Variants in TP63 observed in about 807,000 individuals in gnomAD.
TP63 encodes the protein tumor protein p63.
In TP63, 17 loss-of-function variants were observed where a neutral mutation model predicts 82.8. The observed-to-expected ratio is 0.21, with a 90% confidence interval of 0.14 to 0.31. The LOEUF (loss-of-function observed/expected upper bound fraction) is 0.31, where lower values mean the gene tolerates loss of function less well. Ranked by LOEUF, TP63 falls within the 10% of genes least tolerant of loss-of-function variation. TP63 has a pLI of 1.00. For synonymous variants in TP63, 330 were observed against 321.7 expected (o/e 1.03, Z -0.28); for missense variants, 648 against 895.3 (o/e 0.72, Z 3.52).
chr3:189,737,818 T>C lies in TP63; in HGVS notation c.141T>C (p.Asn47=), dbSNP rs768304711. The C allele has an allele frequency of 3.1e-6, 5 of 1,613,848 alleles. No individual in the cohort carries two copies. In the East Asian group the frequency reaches 8.9e-5, roughly 29 times the overall value. Reference sequence around the variant, plus strand: ...CCATGTCCCAGAGCACACAGACAAATGAATTCCTCAGTCCAGAGGTTTTCC... The same window carrying C: ...CCATGTCCCAGAGCACACAGACAAACGAATTCCTCAGTCCAGAGGTTTTCC... The part of the protein sequence containing the change: ...RSTMSQSTQT[N]EFLSPEVFQH... Residue 47 remains asparagine (N), a synonymous_variant, in exon 2 of 14, where the codon AAT becomes AAC. Transcript: ENST00000264731.
At chr3:189,617,186 A>G in the TP63 span, among the ~76,000 whole-genome samples, 6 of 152,218 alleles carry the variant, frequency 3.9e-5, no homozygotes, top group African/African-American at 1.4e-4. Flanking sequence ...TATACTAGCC[A>G]TCTATTGTTT....
At chr3:189,694,888 C>T (rs1185034867) in intron 1 of TP63, among the ~76,000 whole-genome samples, 8 of 136,784 alleles carry the variant, frequency 5.8e-5, no homozygotes, top group Non-Finnish European at 1.2e-4. Context: ...TCACTGCAAC[C>T]TCCAACTCCT....
intron 1 of TP63, among the ~76,000 whole-genome samples, chr3:189,700,394 T>G (rs1174937961): frequency 6.6e-6 from 1 of 152,220 alleles, no homozygotes; most frequent in Non-Finnish European, 1.5e-5. Flanking sequence ...GTTTGCTGTT[T>G]CCATGTACTC....
chr3:189,651,545 C>CAAAAA (rs71173298), intron 1 of TP63, among the ~76,000 whole-genome samples: 3 of 118,450 alleles, frequency 2.5e-5, no homozygotes, highest in African/African-American at 7.4e-5. Context: ...GATTCCATAT[C>CAAAAA]AAAAAAAAAA....
intron 3 of TP63, among the ~76,000 whole-genome samples, chr3:189,791,265 C>G (rs1354751783): frequency 6.6e-6 from 1 of 152,078 alleles, no homozygotes; most frequent in East Asian, 1.9e-4. Context: ...CGCCTAGGAT[C>G]TTGTAAGTCA....
At chr3:189,870,472 A>G (rs921949697) in intron 9 of TP63, among the ~76,000 whole-genome samples, 8 of 152,158 alleles carry the variant, frequency 5.3e-5, no homozygotes, top group Non-Finnish European at 4.4e-5. Context: ...TTACGTGCAA[A>G]TACTACACCA....
At chr3:189,765,438 T>TTTTTTTTTTTTTTTTG (rs1722881616) in intron 3 of TP63, among the ~76,000 whole-genome samples, 1 of 85,598 alleles carries the variant, frequency 1.2e-5, no homozygotes, top group African/African-American at 4.2e-5. Flanking sequence ...CTCTGCTTTT[T>TTTTTTTTTTTTTTTTG]TTTTTTTTTT....
chr3:189,709,129 T>G (rs894712073), intron 1 of TP63, among the ~76,000 whole-genome samples: 4 of 152,226 alleles, frequency 2.6e-5, no homozygotes, highest in Non-Finnish European at 5.9e-5. Context: ...ATCATGAAAA[T>G]GTACACTGCA....
At chr3:189,844,967 C>T (rs1201950089) in intron 4 of TP63, among the ~76,000 whole-genome samples, 2 of 152,162 alleles carry the variant, frequency 1.3e-5, no homozygotes, top group Non-Finnish European at 2.9e-5. Context: ...TATGATTTTT[C>T]ATTCCCAGCA....
intron 1 of TP63, among the ~76,000 whole-genome samples, chr3:189,696,786 T>C (rs1717412262): frequency 6.6e-6 from 1 of 152,168 alleles, no homozygotes; most frequent in Admixed American, 6.6e-5. Flanking sequence ...TATTTTCCTA[T>C]GACAAATTAT....
chr3:189,873,074 G>A, intron 10 of TP63, 79 bp downstream of exon 10: 4 of 1,602,128 alleles, frequency 2.5e-6, no homozygotes, highest in Middle Eastern at 1.7e-4. Flanking sequence ...TGATTGATGA[G>A]CAATGTGGAA....
intron 4 of TP63, among the ~76,000 whole-genome samples, chr3:189,811,383 C>T (rs148741344): frequency 3.9e-3 from 595 of 152,272 alleles, no homozygotes; most frequent in African/African-American, 0.014. Context: ...TGCATTCTAC[C>T]TATAAATTTT....
chr3:189,701,543 ATATG>A (rs1338236401), intron 1 of TP63, among the ~76,000 whole-genome samples: 8 of 138,040 alleles, frequency 5.8e-5, no homozygotes, highest in Non-Finnish European at 1.1e-4. Context: ...ATATATATAT[ATATG>A]TAATTTTATA....
At chr3:189,700,677 G>A (rs1717736606) in intron 1 of TP63, among the ~76,000 whole-genome samples, 1 of 152,126 alleles carries the variant, frequency 6.6e-6, no homozygotes, top group East Asian at 1.9e-4. Flanking sequence ...GATGTGGGCG[G>A]GGTAAACTTT....
At chr3:189,702,849 A>G (rs1717913309) in intron 1 of TP63, among the ~76,000 whole-genome samples, 1 of 152,232 alleles carries the variant, frequency 6.6e-6, no homozygotes, top group Non-Finnish European at 1.5e-5. Context: ...CACCATTGAT[A>G]TGATTGGAAA....
intron 1 of TP63, among the ~76,000 whole-genome samples, chr3:189,730,675 C>G (rs1376869549): frequency 1.3e-5 from 2 of 152,270 alleles, no homozygotes; most frequent in East Asian, 3.9e-4. Context: ...TGATCCCATC[C>G]TCCCAATGAG....
chr3:189,800,914 T>C (rs559414937), intron 3 of TP63, among the ~76,000 whole-genome samples: 1 of 152,320 alleles, frequency 6.6e-6, no homozygotes, highest in Admixed American at 6.5e-5. Flanking sequence ...TTTATTTTTA[T>C]TTTTATTTTT....
chr3:189,774,345 A>T (rs1361223446), intron 3 of TP63, among the ~76,000 whole-genome samples: 1 of 152,250 alleles, frequency 6.6e-6, no homozygotes. Flanking sequence ...TCTTCCAACG[A>T]ACTGCATTTC....
chr3:189,818,739 T>G (rs1460066199), intron 4 of TP63, among the ~76,000 whole-genome samples: 1 of 152,136 alleles, frequency 6.6e-6, no homozygotes, highest in East Asian at 1.9e-4. Context: ...CTGTATCTGA[T>G]TGAATTTGAA....
Sources: allele counts gnomAD v4.1 joint callset (sites outside exome capture counted in the v4.1 genomes callset), GRCh38; gene constraint gnomAD v4.1.1; transcripts MANE v1.5; gene names NCBI Gene and HGNC (gene_info 2026-07-23, HGNC 2026-07-21).